The following TUBG2 variants were observed in gnomAD, a reference collection of about 807,000 sequenced individuals.
TUBG2 encodes tubulin gamma-2 chain.
TUBG2 carries 39 observed loss-of-function variants against 55.1 expected under a neutral mutation model. That is an observed-to-expected ratio of 0.71 (90% CI 0.55 to 0.93). TUBG2 has a LOEUF of 0.93. Ranked by LOEUF, TUBG2 falls within the 40% of genes least tolerant of loss-of-function variation. The pLI, the probability that TUBG2 is intolerant of heterozygous loss-of-function variation, is 0.00. For synonymous variants in TUBG2, 223 were observed against 241.0 expected (o/e 0.93, Z 0.69); for missense variants, 358 against 599.1 (o/e 0.60, Z 4.20).
rs1473477524 is a variant in TUBG2 at position 42,659,413 on chromosome 17, C to T, written c.-91C>T. 8 of 1,359,042 alleles carry T rather than the reference C, an allele frequency of 5.9e-6. No homozygotes were observed. Among genetic ancestry groups the T allele is most frequent in the Non-Finnish European group, 8.0e-6 (8 of 1,005,304 alleles). 84.2% of individuals were successfully genotyped at this position (1,359,042 alleles called of 1,614,324 possible). Reference sequence around the variant, plus strand: ...CGTCAAGAGGCGAAGAGAGCGCGCGCTCCCCACGTCCTGCGCTCCTGGCTG... The same window carrying T: ...CGTCAAGAGGCGAAGAGAGCGCGCGTTCCCCACGTCCTGCGCTCCTGGCTG... On this transcript the variant is annotated 5_prime_UTR_variant, in exon 1 of 11. Coordinates refer to ENST00000251412, the MANE Select transcript of TUBG2 (RefSeq NM_016437.3).
At chr17:42,666,024 AAG>A in intron 8 of TUBG2, 61 bp from the exon 9 acceptor site, 1 of 1,609,050 alleles carries the variant, frequency 6.2e-7, no homozygotes, top group Non-Finnish European at 8.5e-7. Context: ...GCTTCTGCCA[AAG>A]AGAAGCCAAA....
rs528594744 is a variant in TUBG2, at chr17:42,661,981, T to C, written c.400-992T>C. On this transcript the variant is annotated intron_variant, in intron 4 of 10. Coordinates refer to ENST00000251412, the MANE Select transcript of TUBG2 (RefSeq NM_016437.3). ...GGTACAGATACTCCTCAACTTACAA[T>C]GGGTTTATCAGGATGTAAACACATC... is the stretch of plus-strand genomic sequence containing the variant. 1.1e-3 allele frequency among the ~76,000 whole-genome samples: 169 copies of C among 152,292 alleles called. 1 individual carries two copies. The highest frequency in any genetic ancestry group is 3.9e-3 in the African/African-American group (161 of 41,542).
At chr17:42,665,133 C>T (rs1457323154) in intron 6 of TUBG2, among the ~76,000 whole-genome samples, 2 of 151,898 alleles carry the variant, frequency 1.3e-5, no homozygotes, top group East Asian at 1.9e-4. Context: ...CTGCAAACTC[C>T]GCCTCCCGGG....
In TUBG2 at chr17:42,660,413, G is replaced by T. The variant is rs79312012; in HGVS notation, c.330+97G>T. 2.9e-3 allele frequency: 4,546 copies of T among 1,568,482 alleles called. 121 individuals are homozygous for T. In the African/African-American group the frequency reaches 0.054, roughly 19 times the overall value. On this transcript the variant is annotated intron_variant, in intron 3 of 10. Transcript: ENST00000251412. ...ATTTGACCTGACTGACAGAAAATAA[G>T]AGACAAAAGGATGTCCCGAACAAGA... is the stretch of plus-strand genomic sequence containing the variant.
At position 42,659,572 on chromosome 17, in the gene TUBG2, C is replaced by CCCCGCCGGT. The variant is rs1475369405; in HGVS notation, c.49+22_49+30dup. 1.6e-5 allele frequency: 25 copies of CCCCGCCGGT among 1,537,220 alleles called. No homozygotes were observed. Among genetic ancestry groups the CCCCGCCGGT allele is most frequent in the Admixed American group, 8.1e-5 (4 of 49,110 alleles). ...ACCAGAGTGAGCAAGCGAGCGCCGG[C>CCCCGCCGGT]CCCGCCGGTCTCTGGTTCTGCCCCT... On this transcript the variant is annotated intron_variant, in intron 1 of 10. Coordinates refer to ENST00000251412, the MANE Select transcript of TUBG2 (RefSeq NM_016437.3).
At chr17:42,660,361 A>C (rs756093979) in intron 3 of TUBG2, 45 bp downstream of exon 3, 275 of 1,611,738 alleles carry the variant, frequency 1.7e-4, no homozygotes, top group Middle Eastern at 8.2e-4. Flanking sequence ...TCCCATCCAG[A>C]GGCAAGGCAG....
intron 4 of TUBG2, chr17:42,661,029 C>T (rs1459731433): frequency 6.7e-6 from 2 of 298,252 alleles, no homozygotes; most frequent in East Asian, 6.8e-5. Flanking sequence ...TGAACCAAGC[C>T]GAAGTCTCTC....
chr17:42,663,325 G>A (rs1266974997), intron 5 of TUBG2, 52 bp from the exon 6 acceptor site: 2 of 1,610,232 alleles, frequency 1.2e-6, no homozygotes, highest in African/African-American at 2.7e-5. Context: ...CATATGGGCA[G>A]TGATGGAGGG....
In TUBG2 at chr17:42,660,187, G is replaced by C; in HGVS notation, c.201G>C (p.Leu67=). 1 of 1,610,020 alleles carries C rather than the reference G, an allele frequency of 6.2e-7. No homozygotes were observed. The highest frequency in any genetic ancestry group is 8.5e-7 in the Non-Finnish European group (1 of 1,177,492). Residue 67 remains leucine, a synonymous_variant, in exon 3 of 11, where the codon CTG becomes CTC. Coordinates refer to ENST00000251412, the MANE Select transcript of TUBG2 (RefSeq NM_016437.3). ...DEHYIPRAVL[L]DLEPRVIHSI... ...ACTACATCCCCCGGGCCGTGCTGCT[G>C]GACTTGGAACCCCGGGTGATCCACT...
chr17:42,660,721 G>A lies in TUBG2; in HGVS notation c.399+14G>A. The stretch of plus-strand genomic sequence containing the variant: ...GACAGTTTGGAGGTGAAGTTATGGA[G>A]TGGGGGAAGGAATGGGCAGGGAGGC... On this transcript the variant is annotated intron_variant, in intron 4 of 10. Transcript: ENST00000251412. The A allele has an allele frequency of 6.2e-7, 1 of 1,613,746 alleles. No individual in the cohort carries two copies. Among genetic ancestry groups the A allele is most frequent in the South Asian group, 1.1e-5 (1 of 91,032 alleles).
Position 42,659,932 on chromosome 17 carries a change from G to A in TUBG2, c.148G>A (p.Val50Ile). 6.2e-7 allele frequency: 1 copy of A among 1,608,734 alleles called. No homozygotes were observed. The highest frequency in any genetic ancestry group is 8.5e-7 in the Non-Finnish European group (1 of 1,176,302). ...FATEGTDRKD[V>I]FFYQADDEHY... ...CACCGAGGGCACTGACCGCAAGGACGTCTTTTTCTACCAGGTGCCCCCAGC... is the reference window on the plus strand; with the variant it reads ...CACCGAGGGCACTGACCGCAAGGACATCTTTTTCTACCAGGTGCCCCCAGC... The change falls in exon 2 of 11, where the codon GTC (valine) becomes ATC (isoleucine). Residue 50 changes from valine (V) to isoleucine (I), a missense_variant. This residue lies in a region of TUBG2 where 32 missense variants were observed against 115.1 expected (regional missense o/e 0.28). Coordinates refer to ENST00000251412, the MANE Select transcript of TUBG2 (RefSeq NM_016437.3).
chr17:42,659,776 A>C, intron 1 of TUBG2, 58 bp from the exon 2 acceptor site: 2 of 1,601,498 alleles, frequency 1.2e-6, no homozygotes, highest in Non-Finnish European at 1.7e-6. Context: ...TGAGACTAAA[A>C]CTGGGCTCCT....
rs2143531215 is a variant in TUBG2 at position 42,666,836 on chromosome 17, T to C, written c.*36T>C. ...CACTACTCCTTCTCCTTCTAGATGGTAACCACAGCCTCGACCATGCCTGCT... is the reference window on the plus strand; with the variant it reads ...CACTACTCCTTCTCCTTCTAGATGGCAACCACAGCCTCGACCATGCCTGCT... On this transcript the variant is annotated 3_prime_UTR_variant, in exon 11 of 11. Coordinates refer to ENST00000251412, the MANE Select transcript of TUBG2 (RefSeq NM_016437.3). The C allele has an allele frequency of 1.9e-6, 3 of 1,610,858 alleles. No homozygotes were observed. The highest frequency in any genetic ancestry group is 2.5e-6 in the Non-Finnish European group (3 of 1,177,452).
In TUBG2 at chr17:42,663,626, G is replaced by A. The variant is rs1597774867; in HGVS notation, c.606+123G>A. 5 of 1,241,630 alleles carry A rather than the reference G, an allele frequency of 4.0e-6. No individual in the cohort carries two copies. The East Asian group carries it at 1.2e-4, about 30-fold the overall frequency. 76.9% of individuals were successfully genotyped at this position (1,241,630 alleles called of 1,614,324 possible). A position where few individuals can be genotyped will look rare whatever the true frequency, so the allele number is the denominator to read the frequency against. On this transcript the variant is annotated intron_variant, in intron 6 of 10. Transcript: ENST00000251412. ...AGTTCAATACTAGCCTGGGCAACAT[G>A]TGAAACCCTATCTCCACAGAAAATA...
Position 42,660,302 on chromosome 17 carries a change from A to T in TUBG2, c.316A>T (p.Ser106Cys), listed in dbSNP as rs2052353516. ...AGGAGGAGCTGGCAACAACTGGGCC[A>T]GCGGATTCTCCCAGGTGTCCTAGCG... ...HGGGAGNNWA[S>C]GFSQGEKIHE... The change falls in exon 3 of 11, where the codon AGC (serine) becomes TGC (cysteine). Residue 106 changes from serine (S) to cysteine (C), a missense_variant. Coordinates refer to ENST00000251412, the MANE Select transcript of TUBG2 (RefSeq NM_016437.3). The T allele has an allele frequency of 6.2e-7, 1 of 1,614,078 alleles. No homozygotes were observed. The highest frequency in any genetic ancestry group is 8.5e-7 in the Non-Finnish European group (1 of 1,180,034).
At position 42,659,310 on chromosome 17, in the gene TUBG2, A is replaced by G; in HGVS notation, c.-194A>G. 1.8e-6 allele frequency: 1 copy of G among 544,566 alleles called. No individual in the cohort carries two copies. The highest frequency in any genetic ancestry group is 2.0e-5 in the African/African-American group (1 of 49,960). 33.7% of individuals were successfully genotyped at this position (544,566 alleles called of 1,614,324 possible). Reference sequence around the variant, plus strand: ...TTCCAGCTGCGACTGCTGAGGGAGAAAATGATGCCCAGGTTGGGCTCCCCG... The same window carrying G: ...TTCCAGCTGCGACTGCTGAGGGAGAGAATGATGCCCAGGTTGGGCTCCCCG... On this transcript the variant is annotated 5_prime_UTR_variant, in exon 1 of 11. Coordinates refer to ENST00000251412, the MANE Select transcript of TUBG2 (RefSeq NM_016437.3).
intron 5 of TUBG2, 25 bp from the exon 6 acceptor site, chr17:42,663,352 A>C (rs1451026259): frequency 6.2e-7 from 1 of 1,613,690 alleles, no homozygotes; most frequent in Non-Finnish European, 8.5e-7. Flanking sequence ...CCGGTTCACT[A>C]TGCCACCATC....
In TUBG2 at chr17:42,666,883, C is replaced by G; in HGVS notation, c.*83C>G. Reference sequence around the variant, plus strand: ...TGCTCCCTCTGACCCAGCTTCACCTCATGGACAACCCTTCTTGGTTCATCT... The same window carrying G: ...TGCTCCCTCTGACCCAGCTTCACCTGATGGACAACCCTTCTTGGTTCATCT... On this transcript the variant is annotated 3_prime_UTR_variant, in exon 11 of 11. Coordinates refer to ENST00000251412, the MANE Select transcript of TUBG2 (RefSeq NM_016437.3). The G allele has an allele frequency of 6.8e-7, 1 of 1,461,048 alleles. No individual in the cohort carries two copies. The highest frequency in any genetic ancestry group is 1.8e-4 in the Middle Eastern group (1 of 5,504). The allele number at this position is 1,461,048 out of a possible 1,614,324, so 90.5% of individuals were successfully genotyped here.
At chr17:42,659,761 G>A (rs1332304479) in intron 1 of TUBG2, 73 bp from the exon 2 acceptor site, 6 of 1,579,554 alleles carry the variant, frequency 3.8e-6, no homozygotes, top group Admixed American at 3.5e-5. Flanking sequence ...GATCGTGTCA[G>A]CCTCTGAGAC....
Sources: allele counts gnomAD v4.1 joint callset (sites outside exome capture counted in the v4.1 genomes callset), GRCh38; gene constraint gnomAD v4.1.1; regional missense constraint gnomAD v4.1.1; transcripts MANE v1.5; gene names NCBI Gene and HGNC (gene_info 2026-07-23, HGNC 2026-07-21).